The following CEMIP variants were observed in gnomAD, a reference collection of about 807,000 sequenced individuals.
CEMIP encodes the protein cell migration inducing hyaluronidase 1, also known as cell migration-inducing and hyaluronan-binding protein.
A neutral mutation model predicts 156.9 loss-of-function variants in CEMIP; 105 were observed. The ratio of observed to expected loss-of-function variants is 0.67; its 90% confidence interval spans 0.57 to 0.79. The LOEUF (loss-of-function observed/expected upper bound fraction) is 0.79. Ranked by LOEUF, CEMIP falls within the 30% of genes least tolerant of loss-of-function variation. The pLI is 0.00. For missense variants in CEMIP, 1,457 were observed against 1,769.4 expected, an observed-to-expected ratio of 0.82 and a Z score of 3.17; for synonymous variants, 676 against 668.4, an observed-to-expected ratio of 1.01 and a Z score of -0.17.
chr15:80,813,869 A>T (rs1379757035), intron 1 of CEMIP, among the ~76,000 whole-genome samples: 1 of 151,998 alleles, frequency 6.6e-6, no homozygotes, highest in Non-Finnish European at 1.5e-5. Flanking sequence ...AAATTTGATC[A>T]TTTTTCTCTC....
chr15:80,812,607 G>A (rs577586713), intron 1 of CEMIP, among the ~76,000 whole-genome samples: 1 of 152,320 alleles, frequency 6.6e-6, no homozygotes, highest in South Asian at 2.1e-4. Flanking sequence ...TGCTGTTACT[G>A]CAGTGATTCC....
At chr15:80,791,815 G>A (rs942730838) in intron 1 of CEMIP, among the ~76,000 whole-genome samples, 3 of 152,152 alleles carry the variant, frequency 2.0e-5, no homozygotes, top group Admixed American at 6.5e-5. Flanking sequence ...CAGCAGAGGC[G>A]GCAGAGGGAA....
chr15:80,830,744 A>G (rs1427204516), intron 1 of CEMIP, among the ~76,000 whole-genome samples: 2 of 152,106 alleles, frequency 1.3e-5, no homozygotes, highest in East Asian at 3.9e-4. Flanking sequence ...TTATCTAATC[A>G]TGACCCCATG....
intron 1 of CEMIP, among the ~76,000 whole-genome samples, chr15:80,862,910 T>C (rs958708553): frequency 3.9e-5 from 6 of 152,206 alleles, no homozygotes; most frequent in African/African-American, 1.4e-4. Flanking sequence ...GTCTGGGGAC[T>C]GAGGGCAGGG....
At chr15:80,928,318 A>G (rs935229717) in intron 19 of CEMIP, among the ~76,000 whole-genome samples, 6 of 152,092 alleles carry the variant, frequency 3.9e-5, no homozygotes, top group African/African-American at 1.4e-4. Context: ...TGACCCCTAA[A>G]AAGGGCAGAG....
At chr15:80,891,729 G>A (rs536023185) in intron 10 of CEMIP, among the ~76,000 whole-genome samples, 13 of 152,338 alleles carry the variant, frequency 8.5e-5, no homozygotes, top group South Asian at 6.2e-4. Flanking sequence ...CGAAGAGAAG[G>A]TGTTGCCACG....
chr15:80,786,881 T>A (rs1895954170), intron 1 of CEMIP, among the ~76,000 whole-genome samples: 1 of 152,178 alleles, frequency 6.6e-6, no homozygotes, highest in Non-Finnish European at 1.5e-5. Flanking sequence ...GAAAAAGAAA[T>A]CTTATTTTCA....
chr15:80,809,401 G>A (rs550427326), intron 1 of CEMIP, among the ~76,000 whole-genome samples: 4 of 152,288 alleles, frequency 2.6e-5, no homozygotes, highest in South Asian at 2.1e-4. Context: ...TATCTGAGAC[G>A]GAGTGCTGCT....
intron 29 of CEMIP, 47 bp downstream of exon 29, chr15:80,947,112 G>T: frequency 8.1e-7 from 1 of 1,232,000 alleles, no homozygotes; most frequent in Non-Finnish European, 1.2e-6. Context: ...ACCAGAGAAG[G>T]CAAATGCCTG....
rs759572260 is a variant in CEMIP, at chr15:80,937,827, G to A, written c.3255G>A (p.Pro1085=). 4.3e-5 allele frequency: 69 copies of A among 1,614,088 alleles called. No homozygotes were observed. Among genetic ancestry groups the A allele is most frequent in the Admixed American group, 1.2e-4 (7 of 60,004 alleles). ...GDWIRVGLCY[P]RGTTFSILSD... Reference sequence around the variant, plus strand: ...GGATCCGAGTGGGGCTCTGCTACCCGCGAGGCACCACATTCTCCATCCTCT... The same window carrying A: ...GGATCCGAGTGGGGCTCTGCTACCCACGAGGCACCACATTCTCCATCCTCT... The change falls in exon 25 of 30, where the codon CCG becomes CCA. Residue 1085 remains proline, a synonymous_variant. Transcript: ENST00000394685.
intron 14 of CEMIP, among the ~76,000 whole-genome samples, chr15:80,919,165 T>C (rs1900379837): frequency 1.3e-5 from 2 of 152,174 alleles, no homozygotes; most frequent in South Asian, 4.1e-4. Context: ...GCGTTGCAAA[T>C]GTGGCTTGAT....
Position 80,894,939 on chromosome 15 carries a change from T to C in CEMIP, c.1087-51T>C, listed in dbSNP as rs758700104. Reference sequence around the variant, plus strand: ...TTAGAACATTAATCAGCACCTTCCTTCTCTATAAAAAAAAAACGACTTTGC... The same window carrying C: ...TTAGAACATTAATCAGCACCTTCCTCCTCTATAAAAAAAAAACGACTTTGC... On this transcript the variant is annotated intron_variant, in intron 10 of 29. Coordinates refer to ENST00000394685, the MANE Select transcript of CEMIP (RefSeq NM_001293298.2). 3.8e-5 allele frequency: 61 copies of C among 1,592,220 alleles called. No homozygotes were observed. In the East Asian group the frequency reaches 1.3e-3, roughly 33 times the overall value.
chr15:80,889,011 A>G (rs990425163), intron 9 of CEMIP, among the ~76,000 whole-genome samples: 2 of 152,176 alleles, frequency 1.3e-5, no homozygotes, highest in African/African-American at 2.4e-5. Flanking sequence ...TAAGATTTCA[A>G]TTTCACCTCA....
intron 10 of CEMIP, among the ~76,000 whole-genome samples, chr15:80,892,544 G>C (rs1050300091): frequency 6.6e-6 from 1 of 152,150 alleles, no homozygotes; most frequent in African/African-American, 2.4e-5. Context: ...AGCAGCTGGT[G>C]CAGTGGCTAG....
intron 19 of CEMIP, among the ~76,000 whole-genome samples, 169 bp downstream of exon 19, chr15:80,925,924 CA>C (rs879379542): frequency 6.6e-6 from 1 of 151,158 alleles, no homozygotes; most frequent in African/African-American, 2.4e-5. Context: ...AGGCAGTGGC[CA>C]AAAAAAACAA....
intron 29 of CEMIP, chr15:80,948,486 A>C: frequency 2.4e-6 from 1 of 416,954 alleles, no homozygotes; most frequent in South Asian, 2.1e-5. Flanking sequence ...AAAGGTAGGC[A>C]GGTTCCTAGG....
At chr15:80,893,214 G>GAAATA (rs772853896) in intron 10 of CEMIP, among the ~76,000 whole-genome samples, 7 of 150,202 alleles carry the variant, frequency 4.7e-5, no homozygotes, top group African/African-American at 1.5e-4. Flanking sequence ...GAAATGAAAT[G>GAAATA]AAATAAAATA....
In CEMIP at chr15:80,920,261, C is replaced by T. The variant is rs1459359893; in HGVS notation, c.1965C>T (p.Ser655=). The part of the protein sequence containing the change: ...SKMCKMITED[S]YPGYIPKPRQ... ...TGTGCAAGATGATCACAGAGGACTCCTACCCGGGGTACATCCCCAAGCCCA... is the reference window on the plus strand; with the variant it reads ...TGTGCAAGATGATCACAGAGGACTCTTACCCGGGGTACATCCCCAAGCCCA... Residue 655 remains serine (S), a synonymous_variant, in exon 15 of 30, where the codon TCC becomes TCT. Coordinates refer to ENST00000394685, the MANE Select transcript of CEMIP (RefSeq NM_001293298.2). 1.2e-6 allele frequency: 2 copies of T among 1,614,040 alleles called. No homozygotes were observed. The highest frequency in any genetic ancestry group is 1.7e-6 in the Non-Finnish European group (2 of 1,180,008).
chr15:80,928,275 C>T (rs1382564458), intron 19 of CEMIP, among the ~76,000 whole-genome samples: 3 of 152,052 alleles, frequency 2.0e-5, no homozygotes, highest in Non-Finnish European at 2.9e-5. Flanking sequence ...CCTTGTCCCT[C>T]GCAATCAGAC....
Sources: gnomAD v4.1 joint callset for allele counts (sites outside exome capture counted in the v4.1 genomes callset) on GRCh38, gnomAD v4.1.1 for gene constraint, MANE v1.5 for transcripts, NCBI Gene and HGNC (gene_info 2026-07-23, HGNC 2026-07-21) for gene names.